The following RPRD2 variants were observed in gnomAD, a reference collection of about 807,000 sequenced individuals.
The protein encoded by RPRD2 is regulation of nuclear pre-mRNA domain containing 2.
A neutral mutation model predicts 104.4 loss-of-function variants in RPRD2; 12 were observed. That is an observed-to-expected ratio of 0.11 (90% confidence interval 0.07 to 0.19). The LOEUF is 0.19. Among genes scored for constraint, RPRD2 ranks in the 10% least tolerant of loss-of-function variants. The pLI is 1.00. For synonymous variants in RPRD2, 714 were observed against 684.9 expected, an observed-to-expected ratio of 1.04 and a Z score of -0.66; for missense variants, 1,543 against 1,790.1, an observed-to-expected ratio of 0.86 and a Z score of 2.49.
At chr1:150,443,126 T>C (rs1553894801) in intron 4 of RPRD2, 105 bp from the exon 5 acceptor site, 3 of 687,240 alleles carry the variant, frequency 4.4e-6, no homozygotes, top group African/African-American at 1.8e-5. Flanking sequence ...ATGTGCATGT[T>C]TGCCATATGT....
intron 2 of RPRD2, among the ~76,000 whole-genome samples, chr1:150,437,300 A>G (rs587633847): frequency 6.6e-6 from 1 of 152,142 alleles, no homozygotes; most frequent in East Asian, 1.9e-4. Context: ...GATCGAGACC[A>G]TCCTGGCCAA....
Position 150,443,298 on chromosome 1 carries a change from T to G in RPRD2, c.567+15T>G. On this transcript the variant is annotated intron_variant, in intron 5 of 10. Transcript: ENST00000369068. Reference sequence around the variant, plus strand: ...CTGAATTTCGAGTAAGTTACAGAATTTGTTTAATATAGCAAAGTATTATTC... The same window carrying G: ...CTGAATTTCGAGTAAGTTACAGAATGTGTTTAATATAGCAAAGTATTATTC... 3.2e-6 allele frequency: 5 copies of G among 1,541,382 alleles called. No homozygotes were observed. The highest frequency in any genetic ancestry group is 4.4e-6 in the Non-Finnish European group (5 of 1,134,040).
intron 1 of RPRD2, among the ~76,000 whole-genome samples, chr1:150,395,365 T>TTGTGTGTGTGTGTG (rs10524632): frequency 0.064 from 9,276 of 143,984 alleles, 453 homozygotes; most frequent in African/African-American, 0.13. Context: ...TAGTATTCCA[T>TTGTGTGTGTGTGTG]TGTGTGTGTG....
chr1:150,384,679 GTGTT>G (rs1167793821), intron 1 of RPRD2, among the ~76,000 whole-genome samples: 234 of 143,096 alleles, frequency 1.6e-3, no homozygotes, highest in African/African-American at 2.5e-3. Flanking sequence ...GTGTGTGTGT[GTGTT>G]TTTAGTAGAG....
chr1:150,454,075 T>C (rs1183476963), intron 7 of RPRD2, among the ~76,000 whole-genome samples: 2 of 152,158 alleles, frequency 1.3e-5, no homozygotes, highest in East Asian at 3.8e-4. Context: ...AGACCACTGC[T>C]TTTTCCAAGG....
At chr1:150,450,891 G>T (rs892542565) in intron 7 of RPRD2, among the ~76,000 whole-genome samples, 1 of 151,968 alleles carries the variant, frequency 6.6e-6, no homozygotes, top group Non-Finnish European at 1.5e-5. Context: ...GATTACAGGC[G>T]TGAGCCACCG....
At chr1:150,373,857 G>C (rs1358557342) in intron 1 of RPRD2, among the ~76,000 whole-genome samples, 1 of 151,448 alleles carries the variant, frequency 6.6e-6, no homozygotes, top group Admixed American at 6.6e-5. Flanking sequence ...GTGTAGATAG[G>C]GAAGTAAGTC....
At chr1:150,446,786 C>G (rs1323174708) in intron 7 of RPRD2, among the ~76,000 whole-genome samples, 1 of 149,802 alleles carries the variant, frequency 6.7e-6, no homozygotes, top group Admixed American at 6.7e-5. Flanking sequence ...GATTAGTAAA[C>G]TTGTACAAGG....
chr1:150,460,468 A>G (rs1553898611), intron 9 of RPRD2, among the ~76,000 whole-genome samples, 151 bp downstream of exon 9: 3 of 151,914 alleles, frequency 2.0e-5, no homozygotes, highest in African/African-American at 7.3e-5. Flanking sequence ...CAGTGGTGCA[A>G]TCTTGGCTCA....
intron 1 of RPRD2, among the ~76,000 whole-genome samples, chr1:150,381,156 C>T (rs1661096813): frequency 1.3e-5 from 2 of 151,806 alleles, no homozygotes; most frequent in Non-Finnish European, 2.9e-5. Context: ...GGTGTGCTGG[C>T]TTATGCCTGT....
chr1:150,448,199 G>A (rs1420467952), intron 7 of RPRD2, among the ~76,000 whole-genome samples: 1 of 151,826 alleles, frequency 6.6e-6, no homozygotes, highest in Admixed American at 6.6e-5. Flanking sequence ...ATGGAGTCTC[G>A]CTTTGTCACC....
chr1:150,412,481 A>C (rs1206881037), intron 1 of RPRD2, among the ~76,000 whole-genome samples: 1 of 152,172 alleles, frequency 6.6e-6, no homozygotes, highest in Non-Finnish European at 1.5e-5. Flanking sequence ...TGAGTAGAAA[A>C]CCACTGAAAA....
chr1:150,441,772 A>C (rs1572484361), intron 3 of RPRD2, 109 bp from the exon 4 acceptor site: 2 of 605,504 alleles, frequency 3.3e-6, no homozygotes, highest in African/African-American at 1.9e-5. Flanking sequence ...AGAAAGAAAC[A>C]ACACACAGTC....
chr1:150,444,186 G>T, intron 5 of RPRD2, 65 bp from the exon 6 acceptor site: 1 of 1,474,056 alleles, frequency 6.8e-7, no homozygotes, highest in East Asian at 2.3e-5. Flanking sequence ...TACAAAATGA[G>T]GAGAGAGAGA....
At chr1:150,423,198 A>G (rs1664880135) in intron 2 of RPRD2, among the ~76,000 whole-genome samples, 1 of 152,216 alleles carries the variant, frequency 6.6e-6, no homozygotes, top group East Asian at 1.9e-4. Context: ...GGAATAGTTG[A>G]AACACTAATT....
chr1:150,385,818 G>T (rs1661520817), intron 1 of RPRD2, among the ~76,000 whole-genome samples: 1 of 152,166 alleles, frequency 6.6e-6, no homozygotes, highest in Non-Finnish European at 1.5e-5. Context: ...TGACTAAGAT[G>T]CCCTAATAGA....
At chr1:150,440,867 G>T in intron 2 of RPRD2, 56 bp from the exon 3 acceptor site, 2 of 802,112 alleles carry the variant, frequency 2.5e-6, no homozygotes, top group South Asian at 3.4e-5. Context: ...CAGATTTCTA[G>T]TTTGGAGTAG....
rs889055033 is a variant in RPRD2, at chr1:150,375,473, T to C, written c.205+10554T>C. On this transcript the variant is annotated intron_variant, in intron 1 of 10. Coordinates refer to ENST00000369068, the MANE Select transcript of RPRD2 (RefSeq NM_015203.5). ...TCACAGAGGCCACCCAGAATTACTT[T>C]AATGTTAGTTTTGTCTGTAGAGGAG... Among the ~76,000 whole-genome samples the C allele has an allele frequency of 1.9e-4, 29 of 152,188 alleles. 1 individual carries two copies. Among genetic ancestry groups the C allele is most frequent in the Non-Finnish European group, 7.4e-5 (5 of 68,016 alleles).
Position 150,474,652 on chromosome 1 carries a change from TTATATC to T in RPRD2, c.*1321_*1326del, listed in dbSNP as rs1320099636. On this transcript the variant is annotated 3_prime_UTR_variant, in exon 11 of 11. Coordinates refer to ENST00000369068, the MANE Select transcript of RPRD2 (RefSeq NM_015203.5). ...CACTGTACTTTGAGTGTTTATATCT[TTATATC>T]TAGGGACACTGAAAAGTAAATGTTG... 2 of 152,186 alleles carry T rather than the reference TTATATC, an allele frequency of 1.3e-5. No homozygotes were observed. The highest frequency in any genetic ancestry group is 2.9e-5 in the Non-Finnish European group (2 of 68,042). 9.4% of individuals were successfully genotyped at this position (152,186 alleles called of 1,614,324 possible).
Sources: allele counts gnomAD v4.1 joint callset (sites outside exome capture counted in the v4.1 genomes callset), GRCh38; gene constraint gnomAD v4.1.1; transcripts MANE v1.5; gene names NCBI Gene and HGNC (gene_info 2026-07-23, HGNC 2026-07-21).